Variants in KLHL29 observed in about 807,000 individuals in gnomAD.
The protein encoded by KLHL29 is kelch-like protein 29.
In KLHL29, 21 loss-of-function variants were observed where a neutral mutation model predicts 80.4. The ratio of observed to expected loss-of-function variants is 0.26; its 90% CI spans 0.19 to 0.38. The LOEUF is 0.38. Among genes scored for constraint, KLHL29 ranks in the 10% least tolerant of loss-of-function variants. KLHL29 has a pLI of 1.00. For missense variants in KLHL29, 867 were observed against 1,223.9 expected (o/e 0.71, Z 4.35); for synonymous variants, 511 against 526.8 (o/e 0.97, Z 0.41).
chr2:23,417,828 C>G (rs1483479265), intron 1 of KLHL29, among the ~76,000 whole-genome samples: 3 of 152,116 alleles, frequency 2.0e-5, no homozygotes, highest in Admixed American at 2.0e-4. Context: ...AGTTTCTTCT[C>G]CCTAGAACCT....
At chr2:23,607,160 A>G (rs1558406410) in intron 3 of KLHL29, among the ~76,000 whole-genome samples, 1 of 152,322 alleles carries the variant, frequency 6.6e-6, no homozygotes, top group East Asian at 1.9e-4. Flanking sequence ...GAAGACACAA[A>G]TATTTAAACC....
chr2:23,430,692 A>C, intron 1 of KLHL29, among the ~76,000 whole-genome samples: 1 of 152,144 alleles, frequency 6.6e-6, no homozygotes, highest in South Asian at 2.1e-4. Context: ...ACCTCAGCCC[A>C]CAGGATCTCT....
At chr2:23,622,937 A>G (rs1669220941) in intron 3 of KLHL29, among the ~76,000 whole-genome samples, 1 of 152,170 alleles carries the variant, frequency 6.6e-6, no homozygotes, top group Non-Finnish European at 1.5e-5. Context: ...AAAGTGGCAG[A>G]ACTTGGATTT....
intron 2 of KLHL29, among the ~76,000 whole-genome samples, chr2:23,480,445 C>T (rs1483029976): frequency 1.3e-5 from 2 of 152,052 alleles, no homozygotes; most frequent in East Asian, 1.9e-4. Flanking sequence ...TGAGATCGCA[C>T]CACTGCACCA....
intron 2 of KLHL29, among the ~76,000 whole-genome samples, chr2:23,525,292 G>C (rs1021458374): frequency 3.9e-5 from 6 of 152,266 alleles, no homozygotes; most frequent in Non-Finnish European, 7.3e-5. Flanking sequence ...CCCTGAGCCT[G>C]CGGGACTGGG....
At chr2:23,467,516 A>G (rs142946128) in intron 1 of KLHL29, among the ~76,000 whole-genome samples, 184 of 152,176 alleles carry the variant, frequency 1.2e-3, no homozygotes, top group African/African-American at 3.3e-3. Context: ...TTCTTTCACA[A>G]TTTTTTTTAT....
chr2:23,546,863 C>T (rs934654275), intron 2 of KLHL29, among the ~76,000 whole-genome samples: 2 of 152,166 alleles, frequency 1.3e-5, no homozygotes, highest in South Asian at 2.1e-4. Context: ...CAGTGGAGAG[C>T]GAGGGTTGTG....
intron 3 of KLHL29, among the ~76,000 whole-genome samples, chr2:23,590,329 G>A (rs188397311): frequency 5.9e-5 from 9 of 152,232 alleles, no homozygotes; most frequent in East Asian, 1.9e-4. Flanking sequence ...TGGTTTTCTC[G>A]AAGGCCCTCG....
chr2:23,454,181 C>T (rs1170288066), intron 1 of KLHL29, among the ~76,000 whole-genome samples: 1 of 152,094 alleles, frequency 6.6e-6, no homozygotes, highest in African/African-American at 2.4e-5. Flanking sequence ...TCCTTTAAGA[C>T]CTCAATTGGC....
intron 3 of KLHL29, among the ~76,000 whole-genome samples, chr2:23,605,205 A>C (rs2103525986): frequency 7.4e-6 from 1 of 135,644 alleles, no homozygotes; most frequent in South Asian, 2.3e-4. Context: ...TCCGCTTCCC[A>C]GGCTCAAGGG....
chr2:23,632,022 T>C (rs1232202253), intron 3 of KLHL29, among the ~76,000 whole-genome samples: 1 of 152,156 alleles, frequency 6.6e-6, no homozygotes, highest in Non-Finnish European at 1.5e-5. Context: ...GGGGCACATT[T>C]TTGGGTCCCT....
At chr2:23,582,960 A>G (rs1005584739) in intron 3 of KLHL29, among the ~76,000 whole-genome samples, 1 of 152,212 alleles carries the variant, frequency 6.6e-6, no homozygotes, top group Admixed American at 6.5e-5. Flanking sequence ...CCTAAATCCA[A>G]TGACGAGTGT....
Position 23,570,942 on chromosome 2 carries a change from C to A in KLHL29, c.285+8461C>A, listed in dbSNP as rs911616543. On this transcript the variant is annotated intron_variant, in intron 3 of 13. Transcript: ENST00000486442. ...CACTGGCTGTGAGATCAGGGCCGCC[C>A]AGTGTGATGCTTCTCTCCTTTGTCC... Among the ~76,000 whole-genome samples the A allele has an allele frequency of 2.0e-5, 3 of 152,232 alleles. 1 individual carries two copies. Among genetic ancestry groups the A allele is most frequent in the Non-Finnish European group, 4.4e-5 (3 of 68,034 alleles).
intron 11 of KLHL29, among the ~76,000 whole-genome samples, chr2:23,702,555 C>G (rs1459229495): frequency 6.6e-6 from 1 of 152,200 alleles, no homozygotes; most frequent in East Asian, 1.9e-4. Flanking sequence ...CCCACTCAGT[C>G]CTGCTTCCCA....
At chr2:23,573,733 C>T (rs17045578) in intron 3 of KLHL29, among the ~76,000 whole-genome samples, 3,355 of 152,270 alleles carry the variant, frequency 0.022, 142 homozygotes, top group African/African-American at 0.076. Flanking sequence ...TCTGATCAGG[C>T]GACCGTTTTT....
chr2:23,410,871 G>A (rs1157906585), intron 1 of KLHL29, among the ~76,000 whole-genome samples: 1 of 151,984 alleles, frequency 6.6e-6, no homozygotes, highest in Non-Finnish European at 1.5e-5. Flanking sequence ...AGACTCACAG[G>A]CCCCATCCTT....
chr2:23,402,046 C>T (rs779826419), intron 1 of KLHL29, among the ~76,000 whole-genome samples: 29 of 152,122 alleles, frequency 1.9e-4, no homozygotes, highest in Non-Finnish European at 4.0e-4. Context: ...TTTCAACAGT[C>T]GAGGGGCAGA....
At chr2:23,419,242 G>A (rs1268630118) in intron 1 of KLHL29, among the ~76,000 whole-genome samples, 1 of 152,174 alleles carries the variant, frequency 6.6e-6, no homozygotes, top group Non-Finnish European at 1.5e-5. Flanking sequence ...CACTGGCCCC[G>A]CCCTCTGGCC....
chr2:23,579,144 A>G (rs975954369), intron 3 of KLHL29, among the ~76,000 whole-genome samples: 1 of 152,224 alleles, frequency 6.6e-6, no homozygotes, highest in Non-Finnish European at 1.5e-5. Flanking sequence ...CCCTGTGCCA[A>G]GAGCTTTCCA....
Sources: allele counts gnomAD v4.1 joint callset (sites outside exome capture counted in the v4.1 genomes callset), GRCh38; gene constraint gnomAD v4.1.1; transcripts MANE v1.5; gene names NCBI Gene and HGNC (gene_info 2026-07-23, HGNC 2026-07-21).